The following MDGA2 variants were observed in gnomAD, a reference collection of about 807,000 sequenced individuals.
The protein encoded by MDGA2 is MAM domain-containing glycosylphosphatidylinositol anchor protein 2.
Under a neutral mutation model 117.8 loss-of-function variants are expected in MDGA2, and 40 were observed. The observed-to-expected ratio is 0.34, with a 90% CI of 0.26 to 0.44. MDGA2 has a LOEUF of 0.44. Ranked by LOEUF, MDGA2 falls within the 20% of genes least tolerant of loss-of-function variation. MDGA2 has a pLI of 1.00. For missense variants in MDGA2, 1,123 were observed against 1,250.6 expected, an observed-to-expected ratio of 0.90 and a Z score of 1.54; for synonymous variants, 452 against 439.0, an observed-to-expected ratio of 1.03 and a Z score of -0.37.
intron 3 of MDGA2, among the ~76,000 whole-genome samples, chr14:47,177,734 G>C (rs1884532536): frequency 6.6e-6 from 1 of 151,850 alleles, no homozygotes; most frequent in South Asian, 2.1e-4. Context: ...ACACCAGCAT[G>C]GCACACGTAT....
At chr14:47,651,377 T>C (rs1897641590) in intron 1 of MDGA2, among the ~76,000 whole-genome samples, 3 of 152,076 alleles carry the variant, frequency 2.0e-5, no homozygotes, top group Non-Finnish European at 1.5e-5. Flanking sequence ...CGAAAGAACT[T>C]AGCGCTTCCG....
At chr14:47,143,951 G>T in intron 4 of MDGA2, 127 bp downstream of exon 4, 1 of 541,706 alleles carries the variant, frequency 1.8e-6, no homozygotes, top group Non-Finnish European at 3.0e-6. Flanking sequence ...TTTAAGTCAA[G>T]CACACATTGG....
intron 1 of MDGA2, among the ~76,000 whole-genome samples, chr14:47,552,152 A>G (rs1467258192): frequency 6.6e-6 from 1 of 152,142 alleles, no homozygotes; most frequent in African/African-American, 2.4e-5. Flanking sequence ...TATATATTGT[A>G]GTTCTCCCAG....
intron 1 of MDGA2, among the ~76,000 whole-genome samples, chr14:47,561,960 C>T (rs1198626549): frequency 6.6e-6 from 1 of 152,136 alleles, no homozygotes; most frequent in Admixed American, 6.5e-5. Context: ...TTACCAAAAA[C>T]CTTTTCCACA....
intron 1 of MDGA2, among the ~76,000 whole-genome samples, chr14:47,673,209 A>T (rs1167220656): frequency 2.0e-5 from 3 of 152,176 alleles, no homozygotes; most frequent in African/African-American, 4.8e-5. Flanking sequence ...TGTAGCATTC[A>T]TCCCCAAACA....
chr14:47,247,690 T>A (rs954042129), intron 2 of MDGA2, among the ~76,000 whole-genome samples: 1 of 150,910 alleles, frequency 6.6e-6, no homozygotes, highest in African/African-American at 2.4e-5. Flanking sequence ...ATGTGCAGAA[T>A]GTGCAGGTTT....
intron 3 of MDGA2, among the ~76,000 whole-genome samples, chr14:47,211,429 G>A (rs944108751): frequency 9.9e-5 from 15 of 152,116 alleles, no homozygotes; most frequent in African/African-American, 3.4e-4. Flanking sequence ...AGGTTTTCCC[G>A]CCTTAATTTT....
At chr14:47,159,001 G>A (rs1419765982) in intron 3 of MDGA2, among the ~76,000 whole-genome samples, 1 of 152,186 alleles carries the variant, frequency 6.6e-6, no homozygotes, top group East Asian at 1.9e-4. Flanking sequence ...AAGCAATGGA[G>A]ACAGTAAAAA....
At chr14:47,651,071 A>G (rs1897631478) in intron 1 of MDGA2, among the ~76,000 whole-genome samples, 1 of 152,144 alleles carries the variant, frequency 6.6e-6, no homozygotes, top group Non-Finnish European at 1.5e-5. Flanking sequence ...TGTGATCAAA[A>G]ATATACCACA....
chr14:47,138,046 T>A (rs1262320376), intron 4 of MDGA2, among the ~76,000 whole-genome samples: 1 of 152,174 alleles, frequency 6.6e-6, no homozygotes, highest in Admixed American at 6.6e-5. Context: ...TCTTAATTCA[T>A]GACAGTCAGC....
intron 1 of MDGA2, among the ~76,000 whole-genome samples, chr14:47,532,819 G>C (rs530061122): frequency 7.2e-5 from 11 of 152,162 alleles, no homozygotes; most frequent in Admixed American, 1.3e-4. Flanking sequence ...GTACAGATTA[G>C]GTTCAATTCT....
chr14:47,369,076 A>G (rs2138386818), intron 1 of MDGA2, among the ~76,000 whole-genome samples: 1 of 152,274 alleles, frequency 6.6e-6, no homozygotes, highest in East Asian at 1.9e-4. Flanking sequence ...AAACACTACT[A>G]TACAATTTGG....
At chr14:47,560,403 A>G (rs1895776453) in intron 1 of MDGA2, among the ~76,000 whole-genome samples, 1 of 152,028 alleles carries the variant, frequency 6.6e-6, no homozygotes. Flanking sequence ...AGGCTTTCTG[A>G]CTGTTGTGAG....
chr14:47,381,294 C>T (rs1373960717), intron 1 of MDGA2, among the ~76,000 whole-genome samples: 1 of 152,172 alleles, frequency 6.6e-6, no homozygotes, highest in Admixed American at 6.5e-5. Flanking sequence ...CCTTTGAAAA[C>T]TGGCACAAGA....
At chr14:47,644,678 T>G (rs1006896433) in intron 1 of MDGA2, among the ~76,000 whole-genome samples, 1 of 151,282 alleles carries the variant, frequency 6.6e-6, no homozygotes, top group African/African-American at 2.4e-5. Flanking sequence ...TATTGTACTG[T>G]AAATTTGAAA....
chr14:47,087,946 T>C (rs1204848088), intron 6 of MDGA2, among the ~76,000 whole-genome samples: 1 of 151,892 alleles, frequency 6.6e-6, no homozygotes, highest in Non-Finnish European at 1.5e-5. Flanking sequence ...TAAAAGAAAA[T>C]TGAAAGATTT....
intron 2 of MDGA2, among the ~76,000 whole-genome samples, chr14:47,233,672 T>C (rs1886763907): frequency 6.6e-6 from 1 of 152,150 alleles, no homozygotes; most frequent in African/African-American, 2.4e-5. Flanking sequence ...TAGAAAATTT[T>C]ACGCAAAGGG....
chr14:47,448,044 C>T (rs935562469), intron 1 of MDGA2, among the ~76,000 whole-genome samples: 1 of 151,974 alleles, frequency 6.6e-6, no homozygotes, highest in African/African-American at 2.4e-5. Context: ...ATAGCAATCC[C>T]TCTTATTCTA....
At chr14:47,231,706 G>A (rs1275729698) in intron 2 of MDGA2, among the ~76,000 whole-genome samples, 5 of 150,234 alleles carry the variant, frequency 3.3e-5, no homozygotes, top group Non-Finnish European at 7.4e-5. Context: ...AATGTTCCTG[G>A]TACGGAAAAA....
Sources: gnomAD v4.1 joint callset for allele counts (sites outside exome capture counted in the v4.1 genomes callset) on GRCh38, gnomAD v4.1.1 for gene constraint, MANE v1.5 for transcripts, NCBI Gene and HGNC (gene_info 2026-07-23, HGNC 2026-07-21) for gene names.